ITGAM: variants seen among roughly 807,000 people sequenced by gnomAD.
The protein encoded by ITGAM is integrin subunit alpha M.
Under a neutral mutation model 137.5 loss-of-function variants are expected in ITGAM, and 79 were observed. That is an observed-to-expected ratio of 0.57 (90% CI 0.48 to 0.69). The LOEUF is 0.69. Among genes scored for constraint, ITGAM ranks in the 30% least tolerant of loss-of-function variants. ITGAM has a pLI of 0.00. For synonymous variants in ITGAM, 583 were observed against 592.3 expected, an observed-to-expected ratio of 0.98 and a Z score of 0.23; for missense variants, 1,343 against 1,483.5, an observed-to-expected ratio of 0.91 and a Z score of 1.56.
intron 12 of ITGAM, among the ~76,000 whole-genome samples, chr16:31,280,499 A>G (rs571729347): frequency 7.4e-4 from 113 of 152,280 alleles, no homozygotes; most frequent in African/African-American, 2.7e-3. Flanking sequence ...CTTTGAAGCA[A>G]TTGTGAATGG....
At chr16:31,325,856 G>A (rs1033440658) in intron 21 of ITGAM, among the ~76,000 whole-genome samples, 8 of 151,958 alleles carry the variant, frequency 5.3e-5, no homozygotes, top group Admixed American at 1.3e-4. Flanking sequence ...GCTTGAGCCC[G>A]AGAGTTTGAA....
chr16:31,288,038 C>A (rs543919008), intron 12 of ITGAM, among the ~76,000 whole-genome samples: 4 of 151,942 alleles, frequency 2.6e-5, no homozygotes, highest in Non-Finnish European at 5.9e-5. Context: ...GGGGCACCCA[C>A]AGAAAGGCAG....
chr16:31,300,438 C>T (rs1455795912), intron 14 of ITGAM, among the ~76,000 whole-genome samples: 2 of 152,210 alleles, frequency 1.3e-5, no homozygotes, highest in East Asian at 3.8e-4. Flanking sequence ...TGTTTACCAA[C>T]ACTTGTCTTT....
intron 14 of ITGAM, among the ~76,000 whole-genome samples, chr16:31,319,957 T>G (rs2080431692): frequency 6.6e-6 from 1 of 151,850 alleles, no homozygotes; most frequent in South Asian, 2.1e-4. Context: ...GGACTACAGG[T>G]GCCCACCACC....
intron 5 of ITGAM, among the ~76,000 whole-genome samples, chr16:31,268,451 C>A (rs1233549477): frequency 6.6e-6 from 1 of 152,054 alleles, no homozygotes; most frequent in African/African-American, 2.4e-5. Context: ...TGTTTGAGGC[C>A]AGGAGTTTGG....
chr16:31,263,807 ATTT>A (rs2079732595), intron 2 of ITGAM, among the ~76,000 whole-genome samples: 4 of 13,206 alleles, frequency 3.0e-4, no homozygotes, highest in Admixed American at 1.4e-3. Flanking sequence ...ACAAAAATTT[ATTT>A]ATTTATTTAT....
chr16:31,263,137 C>T (rs925610894), intron 2 of ITGAM, among the ~76,000 whole-genome samples: 1 of 152,106 alleles, frequency 6.6e-6, no homozygotes, highest in African/African-American at 2.4e-5. Context: ...GACAGGGTTT[C>T]ACCATGTTGG....
intron 14 of ITGAM, among the ~76,000 whole-genome samples, chr16:31,308,236 C>G (rs2080285822): frequency 6.6e-6 from 1 of 152,086 alleles, no homozygotes; most frequent in Admixed American, 6.6e-5. Context: ...CCATCTCCTC[C>G]TTGTACCTCT....
Position 31,324,615 on chromosome 16 carries a change from A to G in ITGAM, c.2158-36A>G. 6.2e-7 allele frequency: 1 copy of G among 1,609,252 alleles called. No homozygotes were observed. On this transcript the variant is annotated intron_variant, in intron 17 of 29. Transcript: ENST00000544665. This position sits in a 1 kb window ranked among gnomAD's most constrained non-coding sequence, Gnocchi z 4.5. ...AGCATGGAGTGGGCTTGGGGAGCTG[A>G]GGAGGGCAGATCCCCAAATCCCGGC...
chr16:31,284,531 C>A (rs979837944), intron 12 of ITGAM, among the ~76,000 whole-genome samples: 6 of 152,148 alleles, frequency 3.9e-5, no homozygotes, highest in African/African-American at 1.4e-4. Flanking sequence ...GAGCCAGACG[C>A]GGGATATAAT....
In ITGAM at chr16:31,325,390, G is replaced by T. The variant is rs772386063; in HGVS notation, c.2491G>T (p.Val831Leu). The change falls in exon 20 of 30, where the codon GTG (valine) becomes TTG (leucine). Residue 831 changes from valine (V) to leucine (L), a missense_variant. Physicochemically the swap from Val to Leu is conservative, Grantham distance 32 (BLOSUM62 1). Coordinates refer to ENST00000544665, the MANE Select transcript of ITGAM (RefSeq NM_000632.4). ...FFPLDLSYRK[V>L]STLQNQRSQR... The stretch of plus-strand genomic sequence containing the variant: ...CCCGCTTGACCTGTCCTACCGGAAG[G>T]TGTCCACGCTCCAGGTAGCCACATC... 1 of 1,613,418 alleles carries T rather than the reference G, an allele frequency of 6.2e-7. No individual in the cohort carries two copies. Among genetic ancestry groups the T allele is most frequent in the East Asian group, 2.2e-5 (1 of 44,886 alleles).
intron 12 of ITGAM, among the ~76,000 whole-genome samples, chr16:31,280,489 C>G (rs1404233073): frequency 6.6e-6 from 1 of 152,140 alleles, no homozygotes; most frequent in Non-Finnish European, 1.5e-5. Flanking sequence ...ATTTTATTCT[C>G]TTTGAAGCAA....
intron 1 of ITGAM, among the ~76,000 whole-genome samples, chr16:31,260,458 C>T (rs929858260): frequency 1.4e-4 from 21 of 152,058 alleles, no homozygotes; most frequent in African/African-American, 4.8e-4. Context: ...ACTTTGCCTC[C>T]GGTTCTATTT....
chr16:31,317,644 T>C (rs767679185), intron 14 of ITGAM, among the ~76,000 whole-genome samples: 3 of 152,240 alleles, frequency 2.0e-5, no homozygotes, highest in Non-Finnish European at 4.4e-5. Context: ...TTTAGTTTTA[T>C]TAAATGCTTT....
intron 11 of ITGAM, among the ~76,000 whole-genome samples, 153 bp downstream of exon 11, chr16:31,277,202 AT>A (rs1227127002): frequency 6.8e-5 from 10 of 147,546 alleles, no homozygotes; most frequent in South Asian, 4.3e-4. Flanking sequence ...AGAAACTTCA[AT>A]TTTTTTTTTT....
At chr16:31,296,862 T>C (rs1232703163) in intron 12 of ITGAM, among the ~76,000 whole-genome samples, 1 of 152,220 alleles carries the variant, frequency 6.6e-6, no homozygotes, top group Non-Finnish European at 1.5e-5. Flanking sequence ...ATTCTACATA[T>C]TGACCTTGAA....
intron 24 of ITGAM, 67 bp from the exon 25 acceptor site, chr16:31,329,731 G>A (rs2144507358): frequency 2.2e-6 from 3 of 1,378,098 alleles, no homozygotes; most frequent in South Asian, 1.3e-5. Flanking sequence ...CGTGGGGAGG[G>A]GAGGCTGATT....
intron 11 of ITGAM, 108 bp from the exon 12 acceptor site, chr16:31,277,859 C>A: frequency 8.6e-7 from 1 of 1,157,096 alleles, no homozygotes; most frequent in Non-Finnish European, 1.2e-6. Context: ...TCAGTTACCC[C>A]AACACAGCAA....
intron 14 of ITGAM, among the ~76,000 whole-genome samples, chr16:31,301,539 G>C (rs1003830966): frequency 1.3e-5 from 2 of 151,938 alleles, no homozygotes; most frequent in African/African-American, 2.4e-5. Context: ...ACTTATATTC[G>C]CTTTAGAAAA....
Sources: gnomAD v4.1 joint callset for allele counts (sites outside exome capture counted in the v4.1 genomes callset) on GRCh38, gnomAD v4.1.1 for gene constraint, Gnocchi (gnomAD v3.1) non-coding constraint, MANE v1.5 for transcripts, NCBI Gene and HGNC (gene_info 2026-07-23, HGNC 2026-07-21) for gene names.